ZNF710: variants seen among roughly 807,000 people sequenced by gnomAD.
The protein encoded by ZNF710 is zinc finger protein 710.
A neutral mutation model predicts 50.6 loss-of-function variants in ZNF710; 13 were observed. That is an observed-to-expected ratio of 0.26 (90% CI 0.17 to 0.41). The LOEUF is 0.41. ZNF710 is among the 10% of genes least tolerant of loss of function. ZNF710 has a pLI of 1.00. For synonymous variants in ZNF710, 383 were observed against 397.0 expected (o/e 0.96, Z 0.42); for missense variants, 721 against 936.6 (o/e 0.77, Z 3.01).
rs760991531 is a variant in ZNF710 at position 90,067,133 on chromosome 15, A to C, written c.-5A>C. The C allele has an allele frequency of 1.9e-6, 3 of 1,586,650 alleles. No individual in the cohort carries two copies. The South Asian group carries it at 3.4e-5, about 18-fold the overall frequency. On this transcript the variant is annotated 5_prime_UTR_variant, in exon 2 of 5. Coordinates refer to ENST00000268154, the MANE Select transcript of ZNF710 (RefSeq NM_198526.4). This position sits in a 1 kb window ranked among gnomAD's most constrained non-coding sequence, Gnocchi z 8.1. ...AGCGATGCCCTCCTAGCTAGCCGTC[A>C]CGGGATGGAGGGCTTCATGGACTCA... is the stretch of plus-strand genomic sequence containing the variant.
intron 2 of ZNF710, among the ~76,000 whole-genome samples, chr15:90,071,677 C>CTTTTTTT (rs201729973): frequency 7.9e-6 from 1 of 127,260 alleles, no homozygotes. Flanking sequence ...TTTATTTTTA[C>CTTTTTTT]TCTTTTTTTT....
At chr15:90,015,158 T>TG (rs1352600562) in intron 1 of ZNF710, among the ~76,000 whole-genome samples, 12 of 152,200 alleles carry the variant, frequency 7.9e-5, no homozygotes. Flanking sequence ...CCCAAAGTGC[T>TG]GGGATTACAG....
At chr15:90,076,849 T>C (rs1321995324) in intron 4 of ZNF710, among the ~76,000 whole-genome samples, 1 of 152,022 alleles carries the variant, frequency 6.6e-6, no homozygotes, top group Non-Finnish European at 1.5e-5. Context: ...AGACTGTCCC[T>C]GTACACCTTG....
At chr15:90,002,212 G>A (rs1234038586) in intron 1 of ZNF710, among the ~76,000 whole-genome samples, 2 of 151,682 alleles carry the variant, frequency 1.3e-5, no homozygotes, top group Non-Finnish European at 2.9e-5. Flanking sequence ...GGGTTGTTGC[G>A]CGTCCCAGCC....
rs529403919 is a variant in ZNF710, at chr15:90,008,936, A to G, written c.-29+7322A>G. Reference sequence around the variant, plus strand: ...TGTAGTCGGAAGCTGAGAATAAGTGATCATATTGCGACCCAACTATTTTCC... The same window carrying G: ...TGTAGTCGGAAGCTGAGAATAAGTGGTCATATTGCGACCCAACTATTTTCC... On this transcript the variant is annotated intron_variant, in intron 1 of 4. Transcript: ENST00000268154. 2.0e-5 allele frequency among the ~76,000 whole-genome samples: 3 copies of G among 152,252 alleles called. No individual in the cohort carries two copies. The South Asian group carries it at 6.2e-4, about 32-fold the overall frequency.
intron 1 of ZNF710, among the ~76,000 whole-genome samples, chr15:90,002,820 A>T (rs1309972153): frequency 6.6e-6 from 1 of 152,184 alleles, no homozygotes; most frequent in Non-Finnish European, 1.5e-5. Flanking sequence ...AGGGTCATTC[A>T]TGTATCTCTA....
chr15:89,999,697 G>T (rs909014768), upstream of ZNF710, among the ~76,000 whole-genome samples: 4 of 151,364 alleles, frequency 2.6e-5, no homozygotes, highest in Non-Finnish European at 5.9e-5. Context: ...TGGGGCTCTC[G>T]TTTCTAAAGG....
intron 1 of ZNF710, among the ~76,000 whole-genome samples, chr15:90,065,979 G>A (rs1415312128): frequency 1.3e-5 from 2 of 152,244 alleles, no homozygotes; most frequent in East Asian, 1.9e-4. Flanking sequence ...CATTCAATTC[G>A]GATAGTGGCC....
chr15:90,022,539 T>C (rs929159270), intron 1 of ZNF710, among the ~76,000 whole-genome samples: 2 of 152,184 alleles, frequency 1.3e-5, no homozygotes, highest in African/African-American at 4.8e-5. Flanking sequence ...AGGCTCGGGC[T>C]TCATCCTGAG....
At chr15:90,066,985 A>G (rs1176964454) in intron 1 of ZNF710, 125 bp from the exon 2 acceptor site, 3 of 1,051,854 alleles carry the variant, frequency 2.9e-6, no homozygotes, top group African/African-American at 3.2e-5. Flanking sequence ...TCCCAAGGCC[A>G]GGAGTAGAAA....
At chr15:90,060,267 C>T (rs1182210363) in intron 1 of ZNF710, among the ~76,000 whole-genome samples, 1 of 152,212 alleles carries the variant, frequency 6.6e-6, no homozygotes, top group African/African-American at 2.4e-5. Flanking sequence ...AAATCAGTGG[C>T]TCAAGCCTGG....
chr15:90,025,783 C>G (rs970149775), intron 1 of ZNF710: 1 of 152,098 alleles, frequency 6.6e-6, no homozygotes, highest in Non-Finnish European at 1.5e-5. Flanking sequence ...TGCAGTAAAC[C>G]TCGCCAAAAT....
intron 2 of ZNF710, among the ~76,000 whole-genome samples, chr15:90,070,036 T>C (rs906318191): frequency 6.6e-6 from 1 of 152,212 alleles, no homozygotes; most frequent in Admixed American, 6.5e-5. Flanking sequence ...CGGTGGCCTA[T>C]GAGTGATACT....
At chr15:90,036,189 A>T (rs1596280040) in intron 1 of ZNF710, among the ~76,000 whole-genome samples, 1 of 143,142 alleles carries the variant, frequency 7.0e-6, no homozygotes, top group Non-Finnish European at 1.5e-5. Flanking sequence ...AAGCTTTGAG[A>T]CTCCCCTCCC....
rs972212742 is a variant in ZNF710, at chr15:90,072,947, G to C, written c.1459-124G>C. 8 of 1,013,980 alleles carry C rather than the reference G, an allele frequency of 7.9e-6. No homozygotes were observed. In the African/African-American group the frequency reaches 1.1e-4, roughly 14 times the overall value. 62.8% of individuals were successfully genotyped at this position (1,013,980 alleles called of 1,614,324 possible). A position where few individuals can be genotyped will look rare whatever the true frequency, so the allele number is the denominator to read the frequency against. ...CTATTTTGGAATACCCTCAAAAAGA[G>C]ACATTTCCCAGAAAGTGTGCCTTTG... is the stretch of plus-strand genomic sequence containing the variant. On this transcript the variant is annotated intron_variant, in intron 2 of 4. Coordinates refer to ENST00000268154, the MANE Select transcript of ZNF710 (RefSeq NM_198526.4).
chr15:90,004,777 A>G (rs1333439516), intron 1 of ZNF710, among the ~76,000 whole-genome samples: 2 of 152,246 alleles, frequency 1.3e-5, no homozygotes, highest in Admixed American at 6.5e-5. Flanking sequence ...GAATGTAGCT[A>G]TGAGAGCATG....
chr15:90,069,868 C>T (rs1900315187), intron 2 of ZNF710, among the ~76,000 whole-genome samples: 1 of 152,274 alleles, frequency 6.6e-6, no homozygotes, highest in Non-Finnish European at 1.5e-5. Flanking sequence ...CAGCCAATAT[C>T]ACCTCCTCTG....
chr15:90,052,706 A>G (rs1423661264), intron 1 of ZNF710, among the ~76,000 whole-genome samples: 1 of 152,170 alleles, frequency 6.6e-6, no homozygotes, highest in Non-Finnish European at 1.5e-5. Context: ...CGAGGTGGGC[A>G]GATCATCTGA....
At chr15:90,046,092 G>A (rs1276237943) in intron 1 of ZNF710, among the ~76,000 whole-genome samples, 3 of 152,286 alleles carry the variant, frequency 2.0e-5, no homozygotes, top group Non-Finnish European at 4.4e-5. Flanking sequence ...GGGGGACACA[G>A]GGCTCTCTGC....
Sources: allele counts gnomAD v4.1 joint callset (sites outside exome capture counted in the v4.1 genomes callset), GRCh38; gene constraint gnomAD v4.1.1; non-coding constraint Gnocchi (gnomAD v3.1); transcripts MANE v1.5; gene names NCBI Gene and HGNC (gene_info 2026-07-23, HGNC 2026-07-21).